Variants in EPHA3 observed in about 807,000 individuals in gnomAD.
EPHA3 encodes the protein ephrin type-A receptor 3.
A neutral mutation model predicts 107.1 loss-of-function variants in EPHA3; 42 were observed. That is an observed-to-expected ratio of 0.39 (90% CI 0.31 to 0.51). The LOEUF (loss-of-function observed/expected upper bound fraction) is 0.51, where lower values mean the gene tolerates loss of function less well. Ranked by LOEUF, EPHA3 falls within the 20% of genes least tolerant of loss-of-function variation. EPHA3 has a pLI of 0.78. For missense variants in EPHA3, 1,183 were observed against 1,211.2 expected, an observed-to-expected ratio of 0.98 and a Z score of 0.35; for synonymous variants, 461 against 424.8, an observed-to-expected ratio of 1.09 and a Z score of -1.05.
chr3:89,368,521 C>A (rs2107467437), intron 5 of EPHA3, among the ~76,000 whole-genome samples: 1 of 150,470 alleles, frequency 6.6e-6, no homozygotes, highest in East Asian at 2.0e-4. Flanking sequence ...CCAGGGGAGT[C>A]AATAGTATAA....
intron 5 of EPHA3, among the ~76,000 whole-genome samples, chr3:89,356,222 C>G (rs190400496): frequency 3.8e-4 from 58 of 150,832 alleles, no homozygotes; most frequent in African/African-American, 1.4e-3. Context: ...TTTTCTTAAT[C>G]TAGTCTATCA....
At chr3:89,288,902 A>G (rs921528907) in intron 3 of EPHA3, among the ~76,000 whole-genome samples, 1 of 152,216 alleles carries the variant, frequency 6.6e-6, no homozygotes, top group Non-Finnish European at 1.5e-5. Flanking sequence ...TGGCCTTAAT[A>G]AAGAATTCTG....
chr3:89,284,808 A>G (rs1706038123), intron 3 of EPHA3, among the ~76,000 whole-genome samples: 1 of 151,994 alleles, frequency 6.6e-6, no homozygotes, highest in South Asian at 2.1e-4. Flanking sequence ...ACGTTCTTCC[A>G]CTTTAACATA....
At chr3:89,404,767 A>G (rs1709026194) in intron 7 of EPHA3, among the ~76,000 whole-genome samples, 1 of 152,186 alleles carries the variant, frequency 6.6e-6, no homozygotes, top group African/African-American at 2.4e-5. Flanking sequence ...AAAGAAATAG[A>G]TAATTATTTT....
chr3:89,257,819 TA>T (rs984592084), intron 3 of EPHA3, among the ~76,000 whole-genome samples: 2 of 151,942 alleles, frequency 1.3e-5, no homozygotes, highest in African/African-American at 4.8e-5. Flanking sequence ...AAATGCATTA[TA>T]TTTCACCAAC....
chr3:89,340,941 A>C lies in EPHA3; in HGVS notation c.840A>C (p.Ala280=), dbSNP rs1194310741. Residue 280 remains alanine, a synonymous_variant, in exon 4 of 17, where the codon GCA becomes GCC. Transcript: ENST00000336596. The part of the protein sequence containing the change: ...CQACRPGFYK[A]LDGNMKCAKC... The stretch of plus-strand genomic sequence containing the variant: ...CTTGTCGACCAGGTTTCTACAAGGC[A>C]TTGGATGGTAATATGAAGTGTGCTA... 6.2e-7 allele frequency: 1 copy of C among 1,613,256 alleles called. No homozygotes were observed. Among genetic ancestry groups the C allele is most frequent in the South Asian group, 1.1e-5 (1 of 90,930 alleles).
At chr3:89,224,657 T>C (rs1160913005) in intron 3 of EPHA3, among the ~76,000 whole-genome samples, 1 of 151,978 alleles carries the variant, frequency 6.6e-6, no homozygotes, top group African/African-American at 2.4e-5. Flanking sequence ...GGGACTAGCC[T>C]GGCAATCATG....
chr3:89,214,433 T>G (rs1033030930), intron 3 of EPHA3, among the ~76,000 whole-genome samples: 1 of 152,006 alleles, frequency 6.6e-6, no homozygotes, highest in African/African-American at 2.4e-5. Flanking sequence ...TTAGAACATT[T>G]AGATATGATG....
intron 2 of EPHA3, among the ~76,000 whole-genome samples, chr3:89,152,024 A>G (rs1255570568): frequency 6.6e-6 from 1 of 152,056 alleles, no homozygotes; most frequent in Non-Finnish European, 1.5e-5. Flanking sequence ...ATTGTTTGGT[A>G]GAAATGTTTG....
intron 14 of EPHA3, 51 bp from the exon 15 acceptor site, chr3:89,450,126 T>G (rs1709956543): frequency 6.8e-7 from 1 of 1,466,450 alleles, no homozygotes; most frequent in Non-Finnish European, 9.2e-7. Flanking sequence ...GTAAACTAAG[T>G]GACACTTCCT....
intron 16 of EPHA3, among the ~76,000 whole-genome samples, chr3:89,478,534 G>C (rs1710563211): frequency 6.6e-6 from 1 of 152,128 alleles, no homozygotes; most frequent in Non-Finnish European, 1.5e-5. Flanking sequence ...TGTACAGCTG[G>C]TCTCACCTGG....
At chr3:89,212,592 GAT>G (rs1491438861) in intron 3 of EPHA3, among the ~76,000 whole-genome samples, 3 of 21,302 alleles carry the variant, frequency 1.4e-4, no homozygotes, top group Non-Finnish European at 3.6e-4. Flanking sequence ...GAAACATCAT[GAT>G]TTTTTTTTTT....
chr3:89,417,714 T>C (rs71322872), intron 10 of EPHA3, among the ~76,000 whole-genome samples: 11,884 of 151,488 alleles, frequency 0.078, 472 homozygotes, highest in African/African-American at 0.11. Flanking sequence ...GCTGTAGATA[T>C]CATTATCTTC....
intron 3 of EPHA3, among the ~76,000 whole-genome samples, chr3:89,230,058 G>T (rs1216113657): frequency 6.6e-6 from 1 of 152,060 alleles, no homozygotes; most frequent in Non-Finnish European, 1.5e-5. Context: ...ATTTTAGAGT[G>T]TATATGAGTA....
chr3:89,191,224 C>G (rs796283874), intron 2 of EPHA3, among the ~76,000 whole-genome samples: 30 of 152,226 alleles, frequency 2.0e-4, no homozygotes, highest in African/African-American at 7.0e-4. Flanking sequence ...CTTTAATGCA[C>G]TCTCCAGCTT....
intron 5 of EPHA3, among the ~76,000 whole-genome samples, chr3:89,389,239 C>A (rs1222893805): frequency 6.6e-6 from 1 of 151,970 alleles, no homozygotes; most frequent in Non-Finnish European, 1.5e-5. Context: ...CTAAATCAAA[C>A]CCAAGAGAGT....
At chr3:89,449,922 AT>A (rs1407854826) in intron 14 of EPHA3, among the ~76,000 whole-genome samples, 1 of 152,090 alleles carries the variant, frequency 6.6e-6, no homozygotes, top group Admixed American at 6.6e-5. Flanking sequence ...ATTTCTTTTT[AT>A]TTTAACCCAA....
intron 2 of EPHA3, among the ~76,000 whole-genome samples, chr3:89,183,103 A>T (rs1705482165): frequency 6.6e-6 from 1 of 151,984 alleles, no homozygotes; most frequent in Non-Finnish European, 1.5e-5. Flanking sequence ...ATTTAAAAAC[A>T]TCCAAAACTT....
intron 5 of EPHA3, among the ~76,000 whole-genome samples, chr3:89,382,462 C>T (rs116132031): frequency 0.015 from 2,285 of 149,590 alleles, 58 homozygotes; most frequent in African/African-American, 0.053. Flanking sequence ...GAGCTAAGAT[C>T]GCACCATTGC....
Sources: gnomAD v4.1 joint callset for allele counts (sites outside exome capture counted in the v4.1 genomes callset) on GRCh38, gnomAD v4.1.1 for gene constraint, MANE v1.5 for transcripts, NCBI Gene and HGNC (gene_info 2026-07-23, HGNC 2026-07-21) for gene names.